AP3B1: variants seen among roughly 807,000 people sequenced by gnomAD.
The protein encoded by AP3B1 is AP-3 complex subunit beta-1.
A neutral mutation model predicts 132.5 loss-of-function variants in AP3B1; 61 were observed. The ratio of observed to expected loss-of-function variants is 0.46; its 90% CI spans 0.37 to 0.57. The LOEUF is 0.57. AP3B1 is among the 20% of genes least tolerant of loss of function. The pLI, the probability that AP3B1 is intolerant of heterozygous loss-of-function variation, is 0.00. For synonymous variants in AP3B1, 388 were observed against 438.3 expected (o/e 0.89, Z 1.43); for missense variants, 1,120 against 1,289.4 (o/e 0.87, Z 2.01).
At chr5:78,103,457 TTTTA>T (rs1446996548) in intron 20 of AP3B1, among the ~76,000 whole-genome samples, 2 of 152,180 alleles carry the variant, frequency 1.3e-5, no homozygotes, top group Non-Finnish European at 2.9e-5. Context: ...TACTGTGCGA[TTTTA>T]TTTCTTACCC....
intron 1 of AP3B1, among the ~76,000 whole-genome samples, chr5:78,284,649 T>C (rs1218115173): frequency 6.6e-6 from 1 of 152,176 alleles, no homozygotes; most frequent in African/African-American, 2.4e-5. Flanking sequence ...CATATAAATA[T>C]ATATGCAAAA....
At chr5:78,098,624 G>T (rs1226685176) in intron 21 of AP3B1, among the ~76,000 whole-genome samples, 1 of 152,168 alleles carries the variant, frequency 6.6e-6, no homozygotes, top group Non-Finnish European at 1.5e-5. Flanking sequence ...TCTTATTCTT[G>T]TCTGTTCCCA....
At chr5:78,136,016 C>G (rs1279842705) in intron 15 of AP3B1, among the ~76,000 whole-genome samples, 1 of 151,452 alleles carries the variant, frequency 6.6e-6, no homozygotes, top group East Asian at 1.9e-4. Flanking sequence ...TCTTCACAGA[C>G]TGAAAAAAAA....
chr5:78,041,483 C>T (rs1748083866), intron 22 of AP3B1, among the ~76,000 whole-genome samples: 1 of 151,272 alleles, frequency 6.6e-6, no homozygotes, highest in South Asian at 2.1e-4. Context: ...TGCCTGAGCT[C>T]AGGAAGTTGA....
intron 22 of AP3B1, among the ~76,000 whole-genome samples, chr5:78,057,766 T>C (rs1032310003): frequency 6.6e-6 from 1 of 152,162 alleles, no homozygotes; most frequent in Non-Finnish European, 1.5e-5. Flanking sequence ...CACAATGCAA[T>C]GCTCAGTTCA....
chr5:78,043,705 T>G (rs1748197053), intron 22 of AP3B1: 1 of 428,502 alleles, frequency 2.3e-6, no homozygotes, highest in African/African-American at 2.1e-5. Context: ...ATCATTGTTG[T>G]GCTTTGTGAT....
chr5:78,161,609 G>A (rs1329998820), intron 13 of AP3B1, among the ~76,000 whole-genome samples: 1 of 151,838 alleles, frequency 6.6e-6, no homozygotes, highest in South Asian at 2.1e-4. Context: ...AATGGATGAC[G>A]TTTATCATCC....
chr5:78,282,312 G>A (rs746473151), intron 1 of AP3B1, among the ~76,000 whole-genome samples: 2 of 151,560 alleles, frequency 1.3e-5, no homozygotes, highest in Non-Finnish European at 2.9e-5. Context: ...TAGGAAAAAT[G>A]AGAAATAGGC....
intron 7 of AP3B1, among the ~76,000 whole-genome samples, chr5:78,189,120 C>T (rs146251343): frequency 0.02 from 2,993 of 152,124 alleles, 118 homozygotes; most frequent in African/African-American, 0.066. Context: ...CTAATGGATG[C>T]TGGGCTTAAT....
At chr5:78,160,688 G>GTAGATCCTC (rs1743353289) in intron 13 of AP3B1, among the ~76,000 whole-genome samples, 1 of 152,028 alleles carries the variant, frequency 6.6e-6, no homozygotes, top group African/African-American at 2.4e-5. Flanking sequence ...AGATTTTAAA[G>GTAGATCCTC]AAACTGAGTC....
chr5:78,101,075 T>G, intron 20 of AP3B1, 50 bp from the exon 21 acceptor site: 1 of 1,144,410 alleles, frequency 8.7e-7, no homozygotes, highest in South Asian at 1.4e-5. Flanking sequence ...TTTAAAAATC[T>G]GTGGAGTAGT....
chr5:78,141,930 G>A (rs1214055700), intron 14 of AP3B1, among the ~76,000 whole-genome samples: 2 of 152,054 alleles, frequency 1.3e-5, no homozygotes, highest in African/African-American at 4.8e-5. Context: ...GGTCCACAAA[G>A]CCCATTTGAG....
intron 11 of AP3B1, among the ~76,000 whole-genome samples, chr5:78,166,746 A>G (rs1055433739): frequency 6.6e-6 from 1 of 152,200 alleles, no homozygotes; most frequent in African/African-American, 2.4e-5. Flanking sequence ...CAAAATAGGG[A>G]AAGGATACCC....
At chr5:78,025,897 T>C (rs1246262571) in intron 24 of AP3B1, among the ~76,000 whole-genome samples, 1 of 152,202 alleles carries the variant, frequency 6.6e-6, no homozygotes, top group East Asian at 1.9e-4. Context: ...GCCAGTTTCA[T>C]CTTGTAAGCA....
intron 22 of AP3B1, among the ~76,000 whole-genome samples, chr5:78,045,231 A>C (rs1206626737): frequency 2.0e-5 from 3 of 152,182 alleles, no homozygotes. Flanking sequence ...AAATGGAAAA[A>C]TTAGCTGGGC....
intron 11 of AP3B1, among the ~76,000 whole-genome samples, chr5:78,171,885 T>C (rs950954971): frequency 3.3e-5 from 5 of 152,216 alleles, no homozygotes; most frequent in African/African-American, 9.6e-5. Context: ...TTGTCATAAA[T>C]AGCTCTTATT....
At chr5:78,291,233 G>C (rs373167914) in intron 1 of AP3B1, among the ~76,000 whole-genome samples, 75 of 152,058 alleles carry the variant, frequency 4.9e-4, no homozygotes, top group Middle Eastern at 3.4e-3. Context: ...AGTGAACACA[G>C]AGCTCTAGGC....
intron 6 of AP3B1, among the ~76,000 whole-genome samples, chr5:78,222,728 AT>A (rs1580507144): frequency 6.6e-6 from 1 of 152,190 alleles, no homozygotes; most frequent in African/African-American, 2.4e-5. Context: ...CTCAAAAAAA[AT>A]CAATAGCTTT....
At chr5:78,274,595 C>T (rs1748692836) in intron 1 of AP3B1, among the ~76,000 whole-genome samples, 1 of 151,934 alleles carries the variant, frequency 6.6e-6, no homozygotes, top group Non-Finnish European at 1.5e-5. Flanking sequence ...AGTCAAACTG[C>T]TGAAAACAAG....
Sources: allele counts gnomAD v4.1 joint callset (sites outside exome capture counted in the v4.1 genomes callset), GRCh38; gene constraint gnomAD v4.1.1; transcripts MANE v1.5; gene names NCBI Gene and HGNC (gene_info 2026-07-23, HGNC 2026-07-21).